SLC9A9: variants seen among roughly 807,000 people sequenced by gnomAD.
The protein encoded by SLC9A9 is solute carrier family 9 member A9, also known as sodium/hydrogen exchanger 9.
Under a neutral mutation model 77.8 loss-of-function variants are expected in SLC9A9, and 62 were observed. The observed-to-expected ratio is 0.80, with a 90% CI of 0.65 to 0.98. The LOEUF is 0.98. Ranked by LOEUF, SLC9A9 falls within the 50% of genes least tolerant of loss-of-function variation. The pLI, the probability that SLC9A9 is intolerant of heterozygous loss-of-function variation, is 0.00. For synonymous variants in SLC9A9, 320 were observed against 283.5 expected (o/e 1.13, Z -1.29); for missense variants, 775 against 774.9 (o/e 1.00, Z 0.00).
rs550264824 is a variant in SLC9A9 at position 143,595,856 on chromosome 3, G to T, written c.756-17133C>A. Among the ~76,000 whole-genome samples, 5 of 152,320 alleles carry T rather than the reference G, an allele frequency of 3.3e-5. No individual in the cohort carries two copies. The East Asian group carries it at 9.7e-4, about 29-fold the overall frequency. ...CTTGGTTAGTTTAAATGAGGAACAG[G>T]TTTGGCAGCAGAAAGGAGGGAGATG... On this transcript the variant is annotated intron_variant, in intron 6 of 15. Coordinates refer to ENST00000316549, the MANE Select transcript of SLC9A9 (RefSeq NM_173653.4).
intron 2 of SLC9A9, chr3:143,811,825 A>AGTCCG: frequency 2.4e-6 from 1 of 413,688 alleles, no homozygotes; most frequent in Non-Finnish European, 4.8e-6. Context: ...TTGCATCACC[A>AGTCCG]CACTCCAGGC....
chr3:143,495,019 A>C (rs760448552), intron 10 of SLC9A9, among the ~76,000 whole-genome samples: 3 of 152,244 alleles, frequency 2.0e-5, no homozygotes, highest in Admixed American at 6.5e-5. Flanking sequence ...GAATACACAG[A>C]CATAATTTTT....
chr3:143,372,343 A>G (rs1380472147), intron 13 of SLC9A9, among the ~76,000 whole-genome samples: 1 of 152,176 alleles, frequency 6.6e-6, no homozygotes, highest in Admixed American at 6.5e-5. Flanking sequence ...CCAAAACAGC[A>G]CGGTACTGGT....
intron 2 of SLC9A9, among the ~76,000 whole-genome samples, chr3:143,805,470 G>T (rs922803731): frequency 2.0e-5 from 3 of 152,040 alleles, no homozygotes; most frequent in Non-Finnish European, 4.4e-5. Flanking sequence ...ATATAAGAAG[G>T]CAGGAATGTC....
At chr3:143,669,573 G>A (rs2039126425) in intron 5 of SLC9A9, among the ~76,000 whole-genome samples, 1 of 152,190 alleles carries the variant, frequency 6.6e-6, no homozygotes, top group Admixed American at 6.6e-5. Context: ...GTCCAATTCT[G>A]TTCTGGAGGT....
chr3:143,371,394 C>G (rs2033055821), intron 13 of SLC9A9, among the ~76,000 whole-genome samples: 1 of 152,058 alleles, frequency 6.6e-6, no homozygotes, highest in African/African-American at 2.4e-5. Flanking sequence ...CTAAGGCTTA[C>G]AAGATTTTAA....
chr3:143,645,532 C>T (rs912850056), intron 6 of SLC9A9, among the ~76,000 whole-genome samples: 30 of 152,166 alleles, frequency 2.0e-4, no homozygotes, highest in South Asian at 2.1e-4. Context: ...TTCTCTTGAA[C>T]GGTTGGATGA....
chr3:143,753,471 A>G (rs751035583), intron 4 of SLC9A9, among the ~76,000 whole-genome samples: 1 of 152,218 alleles, frequency 6.6e-6, no homozygotes, highest in Non-Finnish European at 1.5e-5. Context: ...ATCTCAAGAG[A>G]GGAAAAGAGA....
intron 5 of SLC9A9, among the ~76,000 whole-genome samples, chr3:143,688,743 T>C (rs1051812286): frequency 6.6e-6 from 1 of 152,034 alleles, no homozygotes; most frequent in Non-Finnish European, 1.5e-5. Context: ...GTTCCAAACC[T>C]AAGACTCAGT....
chr3:143,459,959 G>A (rs535580558), intron 12 of SLC9A9, among the ~76,000 whole-genome samples: 8 of 152,192 alleles, frequency 5.3e-5, no homozygotes, highest in South Asian at 4.2e-4. Context: ...TGCTGCCATC[G>A]TCACCTGTCA....
intron 14 of SLC9A9, among the ~76,000 whole-genome samples, chr3:143,296,835 T>C (rs2030291982): frequency 6.6e-6 from 1 of 152,234 alleles, no homozygotes; most frequent in Non-Finnish European, 1.5e-5. Flanking sequence ...TACGTCTTCT[T>C]CAGAGAAATA....
At chr3:143,342,069 G>A (rs1204496128) in intron 14 of SLC9A9, among the ~76,000 whole-genome samples, 1 of 152,178 alleles carries the variant, frequency 6.6e-6, no homozygotes, top group Non-Finnish European at 1.5e-5. Context: ...GCCTCAGTAG[G>A]AGGCAAAGGT....
intron 8 of SLC9A9, among the ~76,000 whole-genome samples, chr3:143,554,932 A>G (rs1339122282): frequency 6.6e-6 from 1 of 152,094 alleles, no homozygotes; most frequent in Non-Finnish European, 1.5e-5. Context: ...CAGTCTCATC[A>G]TTCTCTACTT....
chr3:143,369,512 C>A (rs2032994232), intron 13 of SLC9A9, among the ~76,000 whole-genome samples: 1 of 152,052 alleles, frequency 6.6e-6, no homozygotes, highest in Non-Finnish European at 1.5e-5. Context: ...GTTCCTAATA[C>A]AAAGAAATGA....
chr3:143,415,123 G>A (rs76284864), intron 12 of SLC9A9, among the ~76,000 whole-genome samples: 7,763 of 152,294 alleles, frequency 0.051, 272 homozygotes, highest in African/African-American at 0.096. Context: ...TGAGAGGGGT[G>A]AGGAAACTGC....
chr3:143,307,207 G>T (rs1443686057), intron 14 of SLC9A9, among the ~76,000 whole-genome samples: 2 of 152,128 alleles, frequency 1.3e-5, no homozygotes, highest in Non-Finnish European at 2.9e-5. Flanking sequence ...AGCTATGGGG[G>T]CAATGTTTAT....
chr3:143,530,641 AAC>A, intron 9 of SLC9A9, among the ~76,000 whole-genome samples: 1 of 141,092 alleles, frequency 7.1e-6, no homozygotes, highest in East Asian at 2.5e-4. Flanking sequence ...AAATCTGAAA[AAC>A]AAAACAAAAC....
At chr3:143,644,777 T>A (rs80285346) in intron 6 of SLC9A9, among the ~76,000 whole-genome samples, 11 of 151,740 alleles carry the variant, frequency 7.2e-5, no homozygotes, top group Admixed American at 3.3e-4. Context: ...TTTTTTTTTT[T>A]AATTATGTAT....
At chr3:143,352,182 A>C (rs761422356) in intron 14 of SLC9A9, among the ~76,000 whole-genome samples, 1 of 152,226 alleles carries the variant, frequency 6.6e-6, no homozygotes, top group Non-Finnish European at 1.5e-5. Context: ...AGTAGAAGGA[A>C]CGGCAAAGGG....
Sources: allele counts gnomAD v4.1 joint callset (sites outside exome capture counted in the v4.1 genomes callset), GRCh38; gene constraint gnomAD v4.1.1; transcripts MANE v1.5; gene names NCBI Gene and HGNC (gene_info 2026-07-23, HGNC 2026-07-21).